The following CWC27 variants were observed in gnomAD, a reference collection of about 807,000 sequenced individuals.
CWC27 encodes CWC27 spliceosome associated cyclophilin.
A neutral mutation model predicts 63.6 loss-of-function variants in CWC27; 47 were observed. The observed-to-expected ratio is 0.74, with a 90% CI of 0.58 to 0.94. The LOEUF is 0.94. Among genes scored for constraint, CWC27 ranks in the 40% least tolerant of loss-of-function variants. The pLI is 0.00. For missense variants in CWC27, 495 were observed against 554.3 expected, an observed-to-expected ratio of 0.89 and a Z score of 1.07; for synonymous variants, 175 against 179.8, an observed-to-expected ratio of 0.97 and a Z score of 0.22.
At chr5:64,849,315 TAAAG>T (rs745967845) in intron 10 of CWC27, among the ~76,000 whole-genome samples, 13 of 151,964 alleles carry the variant, frequency 8.6e-5, no homozygotes, top group Non-Finnish European at 1.8e-4. Flanking sequence ...AAAAAGAAAT[TAAAG>T]AAGACAAAGA....
chr5:64,997,467 A>C (rs1021834902), intron 13 of CWC27, among the ~76,000 whole-genome samples: 3 of 152,144 alleles, frequency 2.0e-5, no homozygotes, highest in African/African-American at 7.2e-5. Flanking sequence ...TTAAGAATTA[A>C]TTTATCTATA....
chr5:64,901,555 A>T (rs1747511369), intron 11 of CWC27, among the ~76,000 whole-genome samples: 2 of 152,110 alleles, frequency 1.3e-5, no homozygotes, highest in African/African-American at 4.8e-5. Flanking sequence ...ACTCTAAGTG[A>T]GTCAGGGAGT....
intron 11 of CWC27, among the ~76,000 whole-genome samples, chr5:64,957,298 T>C (rs1415213221): frequency 6.6e-6 from 1 of 152,162 alleles, no homozygotes; most frequent in Non-Finnish European, 1.5e-5. Context: ...TTTTTCTTAC[T>C]GCTACAACAC....
At chr5:64,923,987 C>A (rs1016524008) in intron 11 of CWC27, among the ~76,000 whole-genome samples, 1 of 152,038 alleles carries the variant, frequency 6.6e-6, no homozygotes, top group Non-Finnish European at 1.5e-5. Context: ...CCCTTATAGA[C>A]AATCTTATAC....
chr5:64,772,551 A>G (rs1050427358), intron 1 of CWC27, among the ~76,000 whole-genome samples: 18 of 145,914 alleles, frequency 1.2e-4, no homozygotes, highest in Non-Finnish European at 3.0e-5. Context: ...TGCTTGAACC[A>G]AGGAAGTGGA....
intron 10 of CWC27, chr5:64,807,671 G>C (rs1342734380): frequency 6.5e-7 from 1 of 1,535,882 alleles, no homozygotes. Flanking sequence ...ATACAAGCTG[G>C]TATTATTATG....
chr5:64,779,040 T>C (rs1296624123), intron 2 of CWC27, among the ~76,000 whole-genome samples: 10 of 152,234 alleles, frequency 6.6e-5, no homozygotes, highest in African/African-American at 2.4e-4. Flanking sequence ...ATAGGAACTT[T>C]ATAAATTATG....
intron 11 of CWC27, among the ~76,000 whole-genome samples, chr5:64,950,072 A>T (rs1269949006): frequency 1.3e-5 from 2 of 152,014 alleles, no homozygotes; most frequent in African/African-American, 4.8e-5. Flanking sequence ...CTTTATATTG[A>T]TTACATAGTG....
intron 10 of CWC27, among the ~76,000 whole-genome samples, chr5:64,871,558 T>C (rs1746676154): frequency 6.6e-6 from 1 of 152,082 alleles, no homozygotes; most frequent in Non-Finnish European, 1.5e-5. Context: ...GAGATAAAGA[T>C]GGAGAATGAA....
chr5:64,927,880 C>A lies in CWC27; in HGVS notation c.1042+42334C>A, dbSNP rs576070621. On this transcript the variant is annotated intron_variant, in intron 11 of 13. Coordinates refer to ENST00000381070, the MANE Select transcript of CWC27 (RefSeq NM_005869.4). ...TTTTAAAAGTCAGCAGTCAGCCGGGCACGGTGGCTCATGCCTGTAATCCCA... is the reference window on the plus strand; with the variant it reads ...TTTTAAAAGTCAGCAGTCAGCCGGGAACGGTGGCTCATGCCTGTAATCCCA... 4.6e-5 allele frequency among the ~76,000 whole-genome samples: 7 copies of A among 152,308 alleles called. No individual in the cohort carries two copies. In the South Asian group the frequency reaches 1.5e-3, roughly 32 times the overall value.
intron 11 of CWC27, among the ~76,000 whole-genome samples, chr5:64,887,400 C>T (rs10461500): frequency 0.36 from 55,264 of 151,858 alleles, 10,642 homozygotes; most frequent in East Asian, 0.52. Flanking sequence ...TGGAGTCTCA[C>T]TCTGTCACCC....
intron 11 of CWC27, among the ~76,000 whole-genome samples, chr5:64,901,375 G>A (rs555347957): frequency 4.6e-5 from 7 of 151,572 alleles, no homozygotes; most frequent in South Asian, 2.1e-4. Flanking sequence ...GCAGAATGGC[G>A]TGAACCCGGG....
chr5:64,770,024 T>C (rs1014032094), intron 1 of CWC27, among the ~76,000 whole-genome samples: 3 of 152,208 alleles, frequency 2.0e-5, no homozygotes, highest in African/African-American at 7.2e-5. Context: ...AATCAGCATA[T>C]TGGAGAAAAT....
intron 10 of CWC27, among the ~76,000 whole-genome samples, chr5:64,820,051 T>C (rs953736724): frequency 6.6e-6 from 1 of 152,168 alleles, no homozygotes; most frequent in Non-Finnish European, 1.5e-5. Context: ...AAATTTTCAG[T>C]TTATTCTTTC....
intron 11 of CWC27, among the ~76,000 whole-genome samples, chr5:64,949,709 A>C (rs1748668655): frequency 6.6e-6 from 1 of 151,886 alleles, no homozygotes; most frequent in African/African-American, 2.4e-5. Flanking sequence ...TTCTACATAC[A>C]AATTTATTTC....
intron 10 of CWC27, among the ~76,000 whole-genome samples, chr5:64,876,080 T>A (rs1284549920): frequency 6.6e-6 from 1 of 151,890 alleles, no homozygotes; most frequent in African/African-American, 2.4e-5. Flanking sequence ...GAACACAGAG[T>A]GGAGTTTTAT....
At chr5:64,894,881 C>T (rs1240469166) in intron 11 of CWC27, among the ~76,000 whole-genome samples, 2 of 152,138 alleles carry the variant, frequency 1.3e-5, no homozygotes, top group Admixed American at 6.5e-5. Context: ...CCCAAGGTAG[C>T]GAGGGTCTAA....
chr5:64,845,723 C>G (rs1014659034), intron 10 of CWC27, among the ~76,000 whole-genome samples: 1 of 152,070 alleles, frequency 6.6e-6, no homozygotes, highest in African/African-American at 2.4e-5. Context: ...ATGAAGAAAG[C>G]TTATGGGACT....
At chr5:64,798,431 A>G (rs1744357548) in intron 7 of CWC27, among the ~76,000 whole-genome samples, 1 of 152,144 alleles carries the variant, frequency 6.6e-6, no homozygotes, top group Admixed American at 6.5e-5. Context: ...CCCGTTTTTC[A>G]TAGTCAGACA....
Sources: gnomAD v4.1 joint callset for allele counts (sites outside exome capture counted in the v4.1 genomes callset) on GRCh38, gnomAD v4.1.1 for gene constraint, MANE v1.5 for transcripts, NCBI Gene and HGNC (gene_info 2026-07-23, HGNC 2026-07-21) for gene names.